Variants in SGPL1 observed in about 807,000 individuals in gnomAD.
The protein encoded by SGPL1 is sphingosine-1-phosphate lyase 1.
Under a neutral mutation model 68.9 loss-of-function variants are expected in SGPL1, and 37 were observed. The ratio of observed to expected loss-of-function variants is 0.54; its 90% CI spans 0.41 to 0.71. SGPL1 has a LOEUF of 0.71. SGPL1 is among the 30% of genes least tolerant of loss of function. The pLI is 0.00. For missense variants in SGPL1, 551 were observed against 704.6 expected (o/e 0.78, Z 2.47); for synonymous variants, 236 against 248.5 (o/e 0.95, Z 0.47).
Position 70,875,399 on chromosome 10 carries a change from A to T in SGPL1, c.1299-3A>T, listed in dbSNP as rs769437472. ...CTTCCTTCATTTATTTTTTTGTTTT[A>T]AGACTGGAAAATATCAAAGGCATCT... On this transcript the variant is annotated splice_region_variant and splice_polypyrimidine_tract_variant and intron_variant, in intron 12 of 14. Coordinates refer to ENST00000373202, the MANE Select transcript of SGPL1 (RefSeq NM_003901.4). 2 of 1,598,058 alleles carry T rather than the reference A, an allele frequency of 1.3e-6. No individual in the cohort carries two copies. Among genetic ancestry groups the T allele is most frequent in the Non-Finnish European group, 1.7e-6 (2 of 1,166,642 alleles).
chr10:70,826,912 C>G (rs1409877665), intron 2 of SGPL1, among the ~76,000 whole-genome samples: 1 of 152,152 alleles, frequency 6.6e-6, no homozygotes, highest in Non-Finnish European at 1.5e-5. Flanking sequence ...GACTAAACTG[C>G]AGTTATTTAT....
In SGPL1 at chr10:70,816,876, T is replaced by C. The variant is rs1281597377; in HGVS notation, c.23T>C (p.Met8Thr). ...AAGATGCCTAGCACAGACCTTCTGA[T>C]GTTGGTGAGCCTTTTGCAGACATCC... MPSTDLLMLKAFEPYLEI... is the reference protein window; with the variant it reads MPSTDLLTLKAFEPYLEI... The change falls in exon 2 of 15, where the codon ATG becomes ACG. Residue 8 changes from methionine to threonine, a missense_variant. Coordinates refer to ENST00000373202, the MANE Select transcript of SGPL1 (RefSeq NM_003901.4). 4.3e-6 allele frequency: 7 copies of C among 1,614,030 alleles called. No individual in the cohort carries two copies. Among genetic ancestry groups the C allele is most frequent in the East Asian group, 2.2e-5 (1 of 44,896 alleles).
chr10:70,822,227 A>C (rs1845351297), intron 2 of SGPL1, among the ~76,000 whole-genome samples: 2 of 152,190 alleles, frequency 1.3e-5, no homozygotes, highest in Admixed American at 1.3e-4. Flanking sequence ...GACATTAAAA[A>C]ATTTGTTGAC....
intron 3 of SGPL1, among the ~76,000 whole-genome samples, chr10:70,848,574 C>A (rs190013702): frequency 1.1e-3 from 155 of 146,772 alleles, no homozygotes; most frequent in Non-Finnish European, 1.3e-3. Context: ...AAGCGATTCA[C>A]TTGCTTCAGC....
At chr10:70,840,586 A>T (rs1490856256) in intron 2 of SGPL1, among the ~76,000 whole-genome samples, 1 of 152,000 alleles carries the variant, frequency 6.6e-6, no homozygotes, top group Non-Finnish European at 1.5e-5. Flanking sequence ...AGGAGATGTA[A>T]TTTCTGTGAT....
At chr10:70,817,114 G>A (rs980033522) in intron 2 of SGPL1, among the ~76,000 whole-genome samples, 3 of 152,164 alleles carry the variant, frequency 2.0e-5, no homozygotes, top group Non-Finnish European at 4.4e-5. Flanking sequence ...CTGCCTCCTG[G>A]GTTCAAGCGA....
chr10:70,841,850 C>CTTT (rs1298283786), intron 2 of SGPL1, among the ~76,000 whole-genome samples: 1 of 151,944 alleles, frequency 6.6e-6, no homozygotes, highest in East Asian at 1.9e-4. Context: ...CATCTTCTAC[C>CTTT]TTTTTTACCT....
chr10:70,828,404 C>G (rs1845473082), intron 2 of SGPL1, among the ~76,000 whole-genome samples: 1 of 152,192 alleles, frequency 6.6e-6, no homozygotes, highest in Admixed American at 6.5e-5. Context: ...TTCCTGCAGC[C>G]TTGAACTCTG....
chr10:70,827,632 C>T (rs1845459891), intron 2 of SGPL1, among the ~76,000 whole-genome samples: 1 of 152,080 alleles, frequency 6.6e-6, no homozygotes, highest in South Asian at 2.1e-4. Context: ...GTTCTGTTAT[C>T]CCATAAAGTG....
chr10:70,875,669 A>T (rs1165092127), intron 13 of SGPL1, 121 bp downstream of exon 13: 3 of 694,586 alleles, frequency 4.3e-6, no homozygotes, highest in Non-Finnish European at 7.3e-6. Flanking sequence ...TAGCAACTGT[A>T]GTATATAAAG....
chr10:70,839,138 T>C (rs538084848), intron 2 of SGPL1, among the ~76,000 whole-genome samples: 1 of 152,348 alleles, frequency 6.6e-6, no homozygotes, highest in Admixed American at 6.5e-5. Context: ...TATTGAGTAC[T>C]ATTTTGATGC....
At chr10:70,844,446 G>GT in intron 2 of SGPL1, 27 bp from the exon 3 acceptor site, 1 of 1,602,230 alleles carries the variant, frequency 6.2e-7, no homozygotes, top group Middle Eastern at 1.7e-4. Context: ...TAAATGTAAT[G>GT]TTTTTATTTT....
At chr10:70,834,664 G>T (rs932120001) in intron 2 of SGPL1, among the ~76,000 whole-genome samples, 12 of 152,172 alleles carry the variant, frequency 7.9e-5, no homozygotes, top group African/African-American at 2.9e-4. Context: ...GCCCTTGTAG[G>T]ATGCCGTTAG....
chr10:70,871,691 G>T, intron 10 of SGPL1, 146 bp from the exon 11 acceptor site: 1 of 674,412 alleles, frequency 1.5e-6, no homozygotes, highest in Non-Finnish European at 2.5e-6. Context: ...TGTTGGGAAT[G>T]TTAAAAATAG....
At chr10:70,852,136 G>T (rs567021415) in intron 4 of SGPL1, among the ~76,000 whole-genome samples, 25 of 152,236 alleles carry the variant, frequency 1.6e-4, no homozygotes, top group Admixed American at 3.3e-4. Flanking sequence ...CCCCCCTTTG[G>T]TCTTTCCCAA....
chr10:70,834,239 G>T (rs1028764348), intron 2 of SGPL1, among the ~76,000 whole-genome samples: 2 of 152,134 alleles, frequency 1.3e-5, no homozygotes, highest in Non-Finnish European at 2.9e-5. Flanking sequence ...TGACCCTGTG[G>T]GTGGGGTATT....
intron 2 of SGPL1, among the ~76,000 whole-genome samples, chr10:70,833,254 T>C (rs1845573510): frequency 6.6e-6 from 1 of 152,254 alleles, no homozygotes; most frequent in African/African-American, 2.4e-5. Flanking sequence ...TGTACATATC[T>C]GGCAAGGCCA....
chr10:70,833,740 G>T (rs553693750), intron 2 of SGPL1, among the ~76,000 whole-genome samples: 1 of 152,242 alleles, frequency 6.6e-6, no homozygotes, highest in East Asian at 1.9e-4. Context: ...TCCCTAGGCT[G>T]AGGCTTAGTC....
chr10:70,867,369 C>T (rs778034305), intron 7 of SGPL1, among the ~76,000 whole-genome samples: 9 of 152,068 alleles, frequency 5.9e-5, no homozygotes, highest in Non-Finnish European at 1.3e-4. Flanking sequence ...TTGAGACCAG[C>T]CTGGCCAACA....
Sources: allele counts gnomAD v4.1 joint callset (sites outside exome capture counted in the v4.1 genomes callset), GRCh38; gene constraint gnomAD v4.1.1; transcripts MANE v1.5; gene names NCBI Gene and HGNC (gene_info 2026-07-23, HGNC 2026-07-21).